GNAI2: variants seen among roughly 807,000 people sequenced by gnomAD.
GNAI2 encodes the protein G protein subunit alpha i2, also known as guanine nucleotide-binding protein G(i) subunit alpha-2.
A neutral mutation model predicts 36.8 loss-of-function variants in GNAI2; 4 were observed. The ratio of observed to expected loss-of-function variants is 0.11; its 90% CI spans 0.05 to 0.25. The LOEUF (loss-of-function observed/expected upper bound fraction) is 0.25, where lower values mean the gene tolerates loss of function less well. GNAI2 is among the 10% of genes least tolerant of loss of function. The pLI is 1.00. For synonymous variants in GNAI2, 194 were observed against 194.1 expected, an observed-to-expected ratio of 1.00 and a Z score of 0.01; for missense variants, 230 against 481.3, an observed-to-expected ratio of 0.48 and a Z score of 4.89.
chr3:50,251,656 G>C (rs781995600), intron 1 of GNAI2: 1 of 1,336,458 alleles, frequency 7.5e-7, no homozygotes, highest in Admixed American at 2.0e-5. Flanking sequence ...GGGAGAAGAA[G>C]GGCTGCTACC....
At chr3:50,254,557 C>T (rs1421469062) in intron 4 of GNAI2, among the ~76,000 whole-genome samples, 2 of 152,194 alleles carry the variant, frequency 1.3e-5, no homozygotes, top group African/African-American at 4.8e-5. Flanking sequence ...GTACCCCCTA[C>T]AGGAGCTGTG....
At chr3:50,254,415 G>C (rs782806954) in intron 4 of GNAI2, among the ~76,000 whole-genome samples, 2 of 152,184 alleles carry the variant, frequency 1.3e-5, no homozygotes, top group Non-Finnish European at 2.9e-5. Context: ...CCTACCCATA[G>C]GGTGGATTTC....
rs1252622847 is a variant in GNAI2, at chr3:50,238,362, GTCCCCCA to G, written c.118+1914_118+1920del. Reference sequence around the variant, plus strand: ...AGTTTTGTGTCCCGACACCAGAAGGGTCCCCCATCCCACCAGGCCTGCTCCTTGGAGC... The same window carrying G: ...AGTTTTGTGTCCCGACACCAGAAGGGTCCCACCAGGCCTGCTCCTTGGAGC... On this transcript the variant is annotated intron_variant, in intron 1 of 8. Coordinates refer to ENST00000313601, the MANE Select transcript of GNAI2 (RefSeq NM_002070.4). The surrounding 1 kb of genome is among the most constrained non-coding windows in gnomAD (Gnocchi z 5.0). 6.6e-6 allele frequency: 1 copy of G among 152,318 alleles called. No individual in the cohort carries two copies. The highest frequency in any genetic ancestry group is 1.5e-5 in the Non-Finnish European group (1 of 68,108). 9.4% of individuals were successfully genotyped at this position (152,318 alleles called of 1,614,324 possible).
At chr3:50,256,581 G>C (rs1700709222) in intron 5 of GNAI2, 142 bp from the exon 6 acceptor site, 7 of 915,562 alleles carry the variant, frequency 7.6e-6, no homozygotes, top group Admixed American at 2.2e-5. Context: ...AACCAGGGGT[G>C]AAGTGGGCAA....
Position 50,241,091 on chromosome 3 carries a change from G to A in GNAI2, c.118+4638G>A, listed in dbSNP as rs934343399. Among the ~76,000 whole-genome samples the A allele has an allele frequency of 1.2e-4, 18 of 152,150 alleles. No homozygotes were observed. The highest frequency in any genetic ancestry group is 8.5e-4 in the Admixed American group (13 of 15,280). On this transcript the variant is annotated intron_variant, in intron 1 of 8. Coordinates refer to ENST00000313601, the MANE Select transcript of GNAI2 (RefSeq NM_002070.4). This position sits in a 1 kb window ranked among gnomAD's most constrained non-coding sequence, Gnocchi z 5.0. Reference sequence around the variant, plus strand: ...TCACAGCAAGTGGGGAGCCCAAGGCGTGCAGATAGTTGGTGCCAGCAGGAG... The same window carrying A: ...TCACAGCAAGTGGGGAGCCCAAGGCATGCAGATAGTTGGTGCCAGCAGGAG...
chr3:50,246,295 C>T (rs956628050), intron 1 of GNAI2, among the ~76,000 whole-genome samples: 3 of 152,204 alleles, frequency 2.0e-5, no homozygotes, highest in Non-Finnish European at 4.4e-5. Flanking sequence ...GGCTGCTTTT[C>T]TGAAACAAAA....
Position 50,236,428 on chromosome 3 carries a change from G to T in GNAI2, c.93G>T (p.Ala31=). 1.3e-6 allele frequency: 2 copies of T among 1,577,204 alleles called. No individual in the cohort carries two copies. ...TGCGGGAGGACGGAGAGAAGGCGGC[G>T]CGGGAGGTGAAGTTGCTGCTGTTGG... The part of the protein sequence containing the change: ...KNLREDGEKA[A]REVKLLLLGA... The change falls in exon 1 of 9, where the codon GCG becomes GCT. Residue 31 remains alanine, a synonymous_variant. Coordinates refer to ENST00000313601, the MANE Select transcript of GNAI2 (RefSeq NM_002070.4). The surrounding 1 kb of genome is among the most constrained non-coding windows in gnomAD (Gnocchi z 4.0).
chr3:50,258,427 C>T lies in GNAI2; in HGVS notation c.*84C>T, dbSNP rs1283037372. 1 of 156,886 alleles carries T rather than the reference C, an allele frequency of 6.4e-6. No individual in the cohort carries two copies. The highest frequency in any genetic ancestry group is 1.4e-5 in the Non-Finnish European group (1 of 70,950). 9.7% of individuals were successfully genotyped at this position (156,886 alleles called of 1,614,324 possible). On this transcript the variant is annotated 3_prime_UTR_variant, in exon 9 of 9. Coordinates refer to ENST00000313601, the MANE Select transcript of GNAI2 (RefSeq NM_002070.4). ...GGAAGATGGGGGCAAGAAGATCACG[C>T]TCCCCGCCTGTTCCCCCGCCGCTTT...
At chr3:50,234,716 A>G (rs1360635511), upstream of GNAI2, among the ~76,000 whole-genome samples, 1 of 152,056 alleles carries the variant, frequency 6.6e-6, no homozygotes, top group Non-Finnish European at 1.5e-5. Flanking sequence ...GGTGGCAAGC[A>G]CCCTGTCTTG....
At chr3:50,256,379 A>G (rs1700704842) in intron 5 of GNAI2, 59 bp downstream of exon 5, 1 of 1,536,912 alleles carries the variant, frequency 6.5e-7, no homozygotes, top group African/African-American at 1.4e-5. Context: ...GGGGTAGCAG[A>G]GGCAGGGGCT....
At chr3:50,246,350 CCGG>C (rs1310504004) in intron 1 of GNAI2, among the ~76,000 whole-genome samples, 1 of 152,238 alleles carries the variant, frequency 6.6e-6, no homozygotes, top group Non-Finnish European at 1.5e-5. Context: ...CACAGTGTCT[CCGG>C]CTGCCGGGCG....
At chr3:50,229,816 G>GT (rs1700042315), upstream of GNAI2, 1 of 152,348 alleles carries the variant, frequency 6.6e-6, no homozygotes, top group Non-Finnish European at 1.5e-5. Context: ...CTGAAATGGT[G>GT]AAGTTCATTT....
At position 50,258,789 on chromosome 3, in the gene GNAI2, G is replaced by T. The variant is rs1363212689; in HGVS notation, c.*446G>T. 2.6e-6 allele frequency: 1 copy of T among 389,332 alleles called. No individual in the cohort carries two copies. Among genetic ancestry groups the T allele is most frequent in the Non-Finnish European group, 4.9e-6 (1 of 202,258 alleles). 24.1% of individuals were successfully genotyped at this position (389,332 alleles called of 1,614,324 possible). A position where few individuals can be genotyped will look rare whatever the true frequency, so the allele number is the denominator to read the frequency against. On this transcript the variant is annotated 3_prime_UTR_variant, in exon 9 of 9. Coordinates refer to ENST00000313601, the MANE Select transcript of GNAI2 (RefSeq NM_002070.4). ...CCTGCCCAGTCCCCCAACCCCAGCC[G>T]CTCGGAGGCCCCAAAGGAAAAAGCA...
chr3:50,247,955 C>T (rs926109499), intron 1 of GNAI2, among the ~76,000 whole-genome samples: 6 of 152,270 alleles, frequency 3.9e-5, no homozygotes, highest in Non-Finnish European at 5.9e-5. Flanking sequence ...TGGACTCAGG[C>T]TGGACGCGGT....
intron 1 of GNAI2, chr3:50,239,520 C>T (rs1358191606): frequency 6.6e-6 from 1 of 152,220 alleles, no homozygotes; most frequent in Non-Finnish European, 1.5e-5. Flanking sequence ...CTGGGTGCTT[C>T]TCATCTGTTT....
At chr3:50,231,054 T>A in intron 1 of GNAI2, 2 of 536,916 alleles carry the variant, frequency 3.7e-6, no homozygotes, top group Non-Finnish European at 4.8e-6. Context: ...CCCAGACCCC[T>A]GCCTCTCAGA....
rs1553703420 is a variant in GNAI2 at position 50,257,502 on chromosome 3, G to T, written c.880G>T (p.Ala294Ser). The change falls in exon 8 of 9, where the codon GCC (alanine) becomes TCC (serine). Residue 294 changes from alanine to serine, a missense_variant and splice_region_variant. Physicochemically the swap from Ala to Ser is moderately conservative, Grantham distance 99 (BLOSUM62 1). This residue lies in a region of GNAI2 where 51 missense variants were observed against 56.7 expected (regional missense o/e 0.90). Coordinates refer to ENST00000313601, the MANE Select transcript of GNAI2 (RefSeq NM_002070.4). ...LTICFPEYTG[A>S]NKYDEAASYI... is the part of the protein sequence containing the mutation. ...AGTCTTCATTTTCTCTCCCCCAGGG[G>T]CCAACAAATATGATGAGGCAGCCAG... 8.4e-6 allele frequency: 13 copies of T among 1,554,952 alleles called. No homozygotes were observed. The highest frequency in any genetic ancestry group is 1.1e-5 in the Non-Finnish European group (13 of 1,146,520).
Position 50,252,383 on chromosome 3 carries a change from TC to T in GNAI2, c.162-11del. The T allele has an allele frequency of 6.2e-7, 1 of 1,613,382 alleles. No individual in the cohort carries two copies. Among genetic ancestry groups the T allele is most frequent in the Non-Finnish European group, 8.5e-7 (1 of 1,179,828 alleles). On this transcript the variant is annotated splice_polypyrimidine_tract_variant and intron_variant, in intron 2 of 8. Transcript: ENST00000313601. The surrounding 1 kb of genome is among the most constrained non-coding windows in gnomAD (Gnocchi z 4.1). ...GCCCAGGGGACACTAACCTTCCTGG[TC>T]CCTGGCTATCAGGATCATCCACGAG...
Position 50,236,348 on chromosome 3 carries a change from G to C in GNAI2, c.13G>C (p.Val5Leu), listed in dbSNP as rs143760938. MGCT[V>L]SAEDKAAAER... ...GGCGGACGGCGGGATGGGCTGCACC[G>C]TGAGCGCCGAGGACAAGGCGGCGGC... The change falls in exon 1 of 9, where the codon GTG (valine) becomes CTG (leucine). Residue 5 changes from valine (V) to leucine (L), a missense_variant. Around this residue, in one of 4 missense-constraint regions of GNAI2, gnomAD observed 132 missense variants for 247.4 expected, o/e 0.53. Transcript: ENST00000313601. This position sits in a 1 kb window ranked among gnomAD's most constrained non-coding sequence, Gnocchi z 4.0. The C allele has an allele frequency of 6.6e-7, 1 of 1,517,474 alleles. No individual in the cohort carries two copies. Among genetic ancestry groups the C allele is most frequent in the Admixed American group, 2.5e-5 (1 of 40,304 alleles). 94.0% of individuals were successfully genotyped at this position (1,517,474 alleles called of 1,614,324 possible).
Sources: gnomAD v4.1 joint callset for allele counts (sites outside exome capture counted in the v4.1 genomes callset) on GRCh38, gnomAD v4.1.1 for gene constraint, gnomAD v4.1.1 regional missense constraint, Gnocchi (gnomAD v3.1) non-coding constraint, MANE v1.5 for transcripts, NCBI Gene and HGNC (gene_info 2026-07-23, HGNC 2026-07-21) for gene names.